The following RALYL variants were observed in gnomAD, a reference collection of about 807,000 sequenced individuals.
RALYL encodes the protein RALY RNA binding protein like.
In RALYL, 29 loss-of-function variants were observed where a neutral mutation model predicts 35.1. The observed-to-expected ratio is 0.83, with a 90% CI of 0.61 to 1.13. The LOEUF (loss-of-function observed/expected upper bound fraction) is 1.13, where lower values mean the gene tolerates loss of function less well. RALYL is among the 50% of genes most tolerant of loss of function. The pLI is 0.00. For synonymous variants in RALYL, 120 were observed against 127.6 expected (o/e 0.94, Z 0.40); for missense variants, 359 against 360.4 (o/e 1.00, Z 0.03).
chr8:84,403,895 A>C (rs2043193628), intron 1 of RALYL, among the ~76,000 whole-genome samples: 1 of 151,952 alleles, frequency 6.6e-6, no homozygotes, highest in Admixed American at 6.6e-5. Flanking sequence ...GGTCCTTTAT[A>C]TCCACTGTAA....
At chr8:84,911,633 G>A (rs149436905) in intron 8 of RALYL, among the ~76,000 whole-genome samples, 83 of 152,086 alleles carry the variant, frequency 5.5e-4, no homozygotes, top group African/African-American at 1.8e-3. Flanking sequence ...GATAGCATCC[G>A]AACCCACAGG....
At chr8:84,212,246 TAAATG>T in intron 1 of RALYL, among the ~76,000 whole-genome samples, 1 of 152,254 alleles carries the variant, frequency 6.6e-6, no homozygotes, top group South Asian at 2.1e-4. Context: ...TTTTGACAAA[TAAATG>T]GAAATTCCAT....
intron 2 of RALYL, among the ~76,000 whole-genome samples, chr8:84,696,177 T>C (rs2132237169): frequency 6.6e-6 from 1 of 151,912 alleles, no homozygotes; most frequent in African/African-American, 2.4e-5. Flanking sequence ...ACAAAGTATA[T>C]TATTTAAAAG....
intron 2 of RALYL, among the ~76,000 whole-genome samples, chr8:84,659,995 T>C (rs1399801452): frequency 6.6e-6 from 1 of 152,158 alleles, no homozygotes; most frequent in Non-Finnish European, 1.5e-5. Context: ...TGATTTACAA[T>C]GATTACCAAT....
chr8:84,480,570 T>A (rs1280186141), intron 1 of RALYL, among the ~76,000 whole-genome samples: 1 of 152,030 alleles, frequency 6.6e-6, no homozygotes, highest in Non-Finnish European at 1.5e-5. Context: ...CACAGAAAAG[T>A]AAACAGGGAT....
intron 4 of RALYL, among the ~76,000 whole-genome samples, chr8:84,847,413 C>T (rs1834896257): frequency 6.6e-6 from 1 of 152,172 alleles, no homozygotes; most frequent in Non-Finnish European, 1.5e-5. Flanking sequence ...TGTGTCACCT[C>T]TCTGTTGACT....
Position 84,729,677 on chromosome 8 carries a change from C to T in RALYL, c.257-44902C>T, listed in dbSNP as rs572978055. On this transcript the variant is annotated intron_variant, in intron 2 of 8. Coordinates refer to ENST00000521268, the MANE Select transcript of RALYL (RefSeq NM_173848.7). Reference sequence around the variant, plus strand: ...AAAAAAGAGAGAAGAATCAAATAGACGCAATAAAAAATGATAAAGGGGATA... The same window carrying T: ...AAAAAAGAGAGAAGAATCAAATAGATGCAATAAAAAATGATAAAGGGGATA... 2.5e-3 allele frequency among the ~76,000 whole-genome samples: 373 copies of T among 151,940 alleles called. 1 individual carries two copies. Among genetic ancestry groups the T allele is most frequent in the Non-Finnish European group, 3.6e-3 (244 of 67,924 alleles).
intron 2 of RALYL, among the ~76,000 whole-genome samples, chr8:84,642,849 A>G (rs1010266556): frequency 2.1e-5 from 3 of 144,244 alleles, no homozygotes; most frequent in Non-Finnish European, 4.4e-5. Flanking sequence ...CAGGGTCAGT[A>G]CCCCCCACCA....
chr8:84,328,310 C>T (rs1487349135), intron 1 of RALYL, among the ~76,000 whole-genome samples: 2 of 152,184 alleles, frequency 1.3e-5, no homozygotes, highest in Non-Finnish European at 2.9e-5. Context: ...TTGTCTTAAA[C>T]TTGAAGCCTT....
At chr8:84,515,443 A>G (rs1371526520) in intron 1 of RALYL, among the ~76,000 whole-genome samples, 1 of 152,208 alleles carries the variant, frequency 6.6e-6, no homozygotes, top group Admixed American at 6.5e-5. Context: ...GTACCACAGC[A>G]TATATTCCTT....
intron 2 of RALYL, among the ~76,000 whole-genome samples, chr8:84,747,226 C>A (rs1463176957): frequency 1.3e-5 from 2 of 151,186 alleles, no homozygotes; most frequent in African/African-American, 2.4e-5. Context: ...ATTTTGATAC[C>A]CTTACTCTGC....
At chr8:84,720,291 T>C (rs1387833080) in intron 2 of RALYL, among the ~76,000 whole-genome samples, 2 of 152,160 alleles carry the variant, frequency 1.3e-5, no homozygotes, top group South Asian at 2.1e-4. Context: ...AACAGCATGG[T>C]ACTGTCATAA....
At chr8:84,430,096 T>A (rs1196956348) in intron 1 of RALYL, among the ~76,000 whole-genome samples, 5 of 152,072 alleles carry the variant, frequency 3.3e-5, no homozygotes, top group Non-Finnish European at 7.4e-5. Flanking sequence ...CCACAGAAGA[T>A]AAAACATTTG....
chr8:84,837,939 C>T (rs1832369190), intron 4 of RALYL, among the ~76,000 whole-genome samples: 1 of 152,142 alleles, frequency 6.6e-6, no homozygotes, highest in Non-Finnish European at 1.5e-5. Context: ...TGAGTTTCAT[C>T]CTAGACAGTG....
At chr8:84,211,706 G>A (rs1819531346) in intron 1 of RALYL, among the ~76,000 whole-genome samples, 1 of 151,334 alleles carries the variant, frequency 6.6e-6, no homozygotes, top group Non-Finnish European at 1.5e-5. Flanking sequence ...CTGCCTTGTT[G>A]GCTGACAGCA....
At chr8:84,812,143 G>C (rs1263415875) in intron 4 of RALYL, among the ~76,000 whole-genome samples, 7 of 152,134 alleles carry the variant, frequency 4.6e-5, no homozygotes, top group Non-Finnish European at 1.0e-4. Flanking sequence ...CAGAGGGAAG[G>C]TCTAGGGCTG....
chr8:84,881,284 AGGT>A (rs1380759485), intron 7 of RALYL, among the ~76,000 whole-genome samples: 2 of 152,012 alleles, frequency 1.3e-5, no homozygotes, highest in Non-Finnish European at 2.9e-5. Context: ...TACTATATAC[AGGT>A]GTTGTAATAT....
chr8:84,872,994 C>A, intron 6 of RALYL: 1 of 246,678 alleles, frequency 4.1e-6, no homozygotes, highest in East Asian at 8.2e-5. Flanking sequence ...AATTTAGCAT[C>A]ATTGGGTTAT....
At chr8:84,378,488 A>G (rs1370266521) in intron 1 of RALYL, among the ~76,000 whole-genome samples, 1 of 151,946 alleles carries the variant, frequency 6.6e-6, no homozygotes, top group Non-Finnish European at 1.5e-5. Flanking sequence ...ATGTACATTT[A>G]AAGTTCAATT....
Sources: gnomAD v4.1 joint callset for allele counts (sites outside exome capture counted in the v4.1 genomes callset) on GRCh38, gnomAD v4.1.1 for gene constraint, MANE v1.5 for transcripts, NCBI Gene and HGNC (gene_info 2026-07-23, HGNC 2026-07-21) for gene names.